FCAR: variants seen among roughly 807,000 people sequenced by gnomAD.
The protein encoded by FCAR is Fc alpha receptor, also known as immunoglobulin alpha Fc receptor.
In FCAR, 21 loss-of-function variants were observed where a neutral mutation model predicts 27.1. The observed-to-expected ratio is 0.77, with a 90% CI of 0.55 to 1.11. The LOEUF (loss-of-function observed/expected upper bound fraction) is 1.11. FCAR is among the 50% of genes most tolerant of loss of function. The probability of loss-of-function intolerance (pLI) is 0.00; values close to 1 mark genes in which losing one functional copy is unlikely to be tolerated. For missense variants in FCAR, 404 were observed against 358.4 expected (o/e 1.13, Z -1.03); for synonymous variants, 134 against 135.8 (o/e 0.99, Z 0.09).
intron 4 of FCAR, among the ~76,000 whole-genome samples, chr19:54,889,368 T>C (rs2066937505): frequency 1.4e-5 from 1 of 74,000 alleles, no homozygotes. Flanking sequence ...TGAGACTCCA[T>C]CTCAAAAAAA....
chr19:54,885,214 C>T (rs201203227), intron 2 of FCAR, 21 bp from the exon 3 acceptor site: 3 of 1,605,654 alleles, frequency 1.9e-6, no homozygotes, highest in African/African-American at 1.3e-5. Context: ...CCACCTCAGT[C>T]TGGGCTTTCT....
At chr19:54,888,478 C>T in intron 4 of FCAR, 184 bp downstream of exon 4, 1 of 1,424,202 alleles carries the variant, frequency 7.0e-7, no homozygotes, top group East Asian at 2.5e-5. Context: ...CTAGAGTTCT[C>T]CAGACAGGGT....
chr19:54,882,338 T>C (rs2066467460), intron 2 of FCAR, among the ~76,000 whole-genome samples: 1 of 152,176 alleles, frequency 6.6e-6, no homozygotes, highest in South Asian at 2.1e-4. Flanking sequence ...TTCTGAATTC[T>C]ATAACCCTCG....
rs148913238 is a variant in FCAR, at chr19:54,885,296, T to G, written c.132T>G (p.Ser44=). ...GTCCTGTGATTCCCTTGGATGGATCTGTGAAAATCCAGTGCCAGGCCATTC... is the reference window on the plus strand; with the variant it reads ...GTCCTGTGATTCCCTTGGATGGATCGGTGAAAATCCAGTGCCAGGCCATTC... ...KSSPVIPLDG[S]VKIQCQAIRE... is the part of the protein sequence containing the mutation. The change falls in exon 3 of 5, where the codon TCT becomes TCG. Residue 44 remains serine, a synonymous_variant. Transcript: ENST00000355524. 127 of 1,614,002 alleles carry G rather than the reference T, an allele frequency of 7.9e-5. No homozygotes were observed. The African/African-American group carries it at 1.3e-3, about 17-fold the overall frequency.
chr19:54,881,880 CAAAT>C (rs59590774), intron 2 of FCAR, among the ~76,000 whole-genome samples: 4,383 of 129,332 alleles, frequency 0.034, 138 homozygotes, highest in East Asian at 0.16. Flanking sequence ...GACTCCGTCT[CAAAT>C]AAATAAATAA....
At chr19:54,875,553 C>T (rs2066048265) in intron 2 of FCAR, among the ~76,000 whole-genome samples, 188 bp downstream of exon 2, 1 of 152,214 alleles carries the variant, frequency 6.6e-6, no homozygotes, top group African/African-American at 2.4e-5. Flanking sequence ...CATTAATGCT[C>T]AGGCCTGGAT....
intron 3 of FCAR, 21 bp from the exon 4 acceptor site, chr19:54,887,986 G>C: frequency 1.9e-6 from 3 of 1,574,928 alleles, no homozygotes; most frequent in African/African-American, 1.4e-5. Flanking sequence ...CTTTCTAATA[G>C]CTCACTCTTT....
chr19:54,881,765 G>C (rs2066428336), intron 2 of FCAR, among the ~76,000 whole-genome samples: 1 of 152,090 alleles, frequency 6.6e-6, no homozygotes, highest in Non-Finnish European at 1.5e-5. Context: ...CCAGCTACTC[G>C]GGAGGAGGAT....
chr19:54,888,209 A>C lies in FCAR; in HGVS notation c.564A>C (p.Ser188=). The C allele has an allele frequency of 6.2e-7, 1 of 1,614,100 alleles. No homozygotes were observed. Among genetic ancestry groups the C allele is most frequent in the Non-Finnish European group, 8.5e-7 (1 of 1,179,960 alleles). Residue 188 remains serine, a synonymous_variant, in exon 4 of 5, where the codon TCA becomes TCC. Transcript: ENST00000355524. ...FSLGPVDLNV[S]GIYRCYGWYN... ...TGGGTCCTGTGGACCTCAATGTCTC[A>C]GGGATCTACAGGTGCTACGGTTGGT...
chr19:54,889,776 C>T lies in FCAR; in HGVS notation c.777C>T (p.Ala259=), dbSNP rs748488778. Residue 259 remains alanine (A), a synonymous_variant, in exon 5 of 5, where the codon GCC becomes GCT. Transcript: ENST00000355524. ...GCCATACGGCACTGAACAAGGAAGC[C>T]TCGGCAGATGTGGCTGAACCGAGCT... The part of the protein sequence containing the change: ...WHSHTALNKE[A]SADVAEPSWS... 2 of 1,613,846 alleles carry T rather than the reference C, an allele frequency of 1.2e-6. No homozygotes were observed. Among genetic ancestry groups the T allele is most frequent in the African/African-American group, 1.3e-5 (1 of 75,026 alleles).
chr19:54,890,252 C>G lies in FCAR; in HGVS notation c.*389C>G, dbSNP rs61672126. On this transcript the variant is annotated 3_prime_UTR_variant, in exon 5 of 5. Transcript: ENST00000355524. ...TATAGGCATGAGCCACCACGCCTGG[C>G]CAGATGCATGTTCAAACCAATCAAA... 5.9e-3 allele frequency: 1,439 copies of G among 245,750 alleles called. 28 individuals are homozygous for G. The highest frequency in any genetic ancestry group is 0.032 in the African/African-American group (1,373 of 43,428). The allele number at this position is 245,750 out of a possible 1,614,324, so 15.2% of individuals were successfully genotyped here. A position where few individuals can be genotyped will look rare whatever the true frequency, so the allele number is the denominator to read the frequency against.
chr19:54,889,574 C>T (rs936721657), intron 4 of FCAR, 75 bp from the exon 5 acceptor site: 15 of 1,288,244 alleles, frequency 1.2e-5, no homozygotes, highest in Admixed American at 5.2e-5. Flanking sequence ...AATGAGCTCC[C>T]GTTTCAGGGC....
At chr19:54,881,474 T>C (rs1416965835) in intron 2 of FCAR, among the ~76,000 whole-genome samples, 1 of 151,940 alleles carries the variant, frequency 6.6e-6, no homozygotes, top group Non-Finnish European at 1.5e-5. Flanking sequence ...GTGGGGCTGT[T>C]GTGCCGCGGA....
rs756457545 is a variant in FCAR at position 54,888,075 on chromosome 19, C to G, written c.430C>G (p.Leu144Val). The change falls in exon 4 of 5, where the codon CTC becomes GTC. Residue 144 changes from leucine (L) to valine (V), a missense_variant. Leu to Val is a conservative substitution (Grantham distance 32). Transcript: ENST00000355524. Reference sequence around the variant, plus strand: ...GTTGATGCCAGGAGAGAATATTTCCCTCACGTGCAGCTCAGCACACATCCC... The same window carrying G: ...GTTGATGCCAGGAGAGAATATTTCCGTCACGTGCAGCTCAGCACACATCCC... ...LVLMPGENIS[L>V]TCSSAHIPFD... The G allele has an allele frequency of 3.7e-6, 6 of 1,614,072 alleles. No individual in the cohort carries two copies. In the South Asian group the frequency reaches 6.6e-5, roughly 18 times the overall value.
intron 3 of FCAR, 39 bp from the exon 4 acceptor site, chr19:54,887,968 G>A (rs770063893): frequency 6.6e-7 from 1 of 1,512,492 alleles, no homozygotes; most frequent in Non-Finnish European, 8.9e-7. Context: ...GAATAAAGGA[G>A]AAAAGGTCTT....
chr19:54,889,762 C>A lies in FCAR; in HGVS notation c.763C>A (p.Leu255Met). Residue 255 changes from leucine to methionine, a missense_variant, in exon 5 of 5, where the codon CTG becomes ATG. By Grantham distance (15) the Leu-to-Met change is conservative. Transcript: ENST00000355524. ...LVENWHSHTA[L>M]NKEASADVAE... is the part of the protein sequence containing the mutation. ...TGAAAATTGGCACAGCCATACGGCA[C>A]TGAACAAGGAAGCCTCGGCAGATGT... The A allele has an allele frequency of 6.2e-7, 1 of 1,614,046 alleles. No individual in the cohort carries two copies. Among genetic ancestry groups the A allele is most frequent in the Non-Finnish European group, 8.5e-7 (1 of 1,180,000 alleles).
chr19:54,886,263 A>ACAC (rs748606699), intron 3 of FCAR, among the ~76,000 whole-genome samples: 1 of 74,638 alleles, frequency 1.3e-5, no homozygotes, highest in South Asian at 4.9e-4. Context: ...CACACACACA[A>ACAC]AAAGATTTCA....
In FCAR at chr19:54,874,289, G is replaced by T. The variant is rs374627353; in HGVS notation, c.-1G>T. The stretch of plus-strand genomic sequence containing the variant: ...AACGGGGCTGAGGCCGTGTCAGCAC[G>T]ATGGACCCCAAACAGACCACCCTCC... On this transcript the variant is annotated 5_prime_UTR_variant, in exon 1 of 5. Coordinates refer to ENST00000355524, the MANE Select transcript of FCAR (RefSeq NM_002000.4). 1.9e-6 allele frequency: 3 copies of T among 1,614,150 alleles called. No homozygotes were observed. Among genetic ancestry groups the T allele is most frequent in the Non-Finnish European group, 2.5e-6 (3 of 1,180,010 alleles).
At chr19:54,879,377 G>A (rs10402725) in intron 2 of FCAR, among the ~76,000 whole-genome samples, 19,114 of 152,106 alleles carry the variant, frequency 0.13, 1,379 homozygotes, top group African/African-American at 0.19. Context: ...TCTATTGGCT[G>A]GTGATGGTCT....
Sources: allele counts gnomAD v4.1 joint callset (sites outside exome capture counted in the v4.1 genomes callset), GRCh38; gene constraint gnomAD v4.1.1; transcripts MANE v1.5; gene names NCBI Gene and HGNC (gene_info 2026-07-23, HGNC 2026-07-21).